The following MAGI1 variants were observed in gnomAD, a reference collection of about 807,000 sequenced individuals.
MAGI1 encodes the protein membrane-associated guanylate kinase, WW and PDZ domain-containing protein 1.
A neutral mutation model predicts 139.9 loss-of-function variants in MAGI1; 58 were observed. The ratio of observed to expected loss-of-function variants is 0.41; its 90% CI spans 0.34 to 0.52. The LOEUF (loss-of-function observed/expected upper bound fraction) is 0.52, where lower values mean the gene tolerates loss of function less well. Ranked by LOEUF, MAGI1 falls within the 20% of genes least tolerant of loss-of-function variation. The pLI, the probability that MAGI1 is intolerant of heterozygous loss-of-function variation, is 0.12. For synonymous variants in MAGI1, 812 were observed against 737.9 expected (o/e 1.10, Z -1.63); for missense variants, 1,874 against 1,901.6 (o/e 0.99, Z 0.27).
intron 2 of MAGI1, among the ~76,000 whole-genome samples, chr3:65,558,112 C>T (rs1259294215): frequency 6.6e-6 from 1 of 152,178 alleles, no homozygotes; most frequent in African/African-American, 2.4e-5. Flanking sequence ...GGCTTTCTCA[C>T]CCTTGAAGGA....
intron 1 of MAGI1, among the ~76,000 whole-genome samples, chr3:65,760,477 C>T (rs544305605): frequency 5.3e-4 from 80 of 151,688 alleles, no homozygotes; most frequent in African/African-American, 1.8e-3. Flanking sequence ...CATCCTAAAA[C>T]TCCTAGGCTC....
intron 1 of MAGI1, among the ~76,000 whole-genome samples, chr3:65,912,430 T>C (rs1055379167): frequency 2.6e-5 from 4 of 152,176 alleles, no homozygotes; most frequent in Admixed American, 2.6e-4. Context: ...CATGGATCAT[T>C]ACGATTCAGG....
chr3:65,969,544 C>G (rs528021200), intron 1 of MAGI1, among the ~76,000 whole-genome samples: 2 of 152,180 alleles, frequency 1.3e-5, no homozygotes, highest in African/African-American at 4.8e-5. Flanking sequence ...TGGGGAAGGA[C>G]GCTGACTGCC....
chr3:65,745,992 A>T (rs921724845), intron 1 of MAGI1, among the ~76,000 whole-genome samples: 1 of 151,776 alleles, frequency 6.6e-6, no homozygotes, highest in Non-Finnish European at 1.5e-5. Flanking sequence ...AGCTTCCCAA[A>T]GTGCTGGGAT....
At chr3:65,876,964 C>T (rs1159753656) in intron 1 of MAGI1, among the ~76,000 whole-genome samples, 1 of 152,042 alleles carries the variant, frequency 6.6e-6, no homozygotes, top group Non-Finnish European at 1.5e-5. Context: ...AGGATGGTCT[C>T]AATCTCCTGA....
chr3:65,820,778 T>C (rs1479671571), intron 1 of MAGI1, among the ~76,000 whole-genome samples: 1 of 152,146 alleles, frequency 6.6e-6, no homozygotes, highest in African/African-American at 2.4e-5. Flanking sequence ...CTCTCTTCAC[T>C]TGGGGCTTTA....
intron 1 of MAGI1, among the ~76,000 whole-genome samples, chr3:65,982,184 T>A (rs2065617179): frequency 6.6e-6 from 1 of 152,232 alleles, no homozygotes; most frequent in African/African-American, 2.4e-5. Context: ...TCGAGTTCCC[T>A]GAGCATCGGC....
chr3:65,862,274 A>G (rs755419288), intron 1 of MAGI1, among the ~76,000 whole-genome samples: 1 of 152,188 alleles, frequency 6.6e-6, no homozygotes, highest in Non-Finnish European at 1.5e-5. Flanking sequence ...CTTCTATAAA[A>G]TGGGGAAAGA....
chr3:65,545,476 C>T (rs1319483014), intron 2 of MAGI1, among the ~76,000 whole-genome samples: 1 of 152,124 alleles, frequency 6.6e-6, no homozygotes, highest in African/African-American at 2.4e-5. Context: ...TACAAGAGGT[C>T]AGAATAGTGG....
chr3:65,740,639 T>A (rs1217140876), intron 1 of MAGI1, among the ~76,000 whole-genome samples: 1 of 152,216 alleles, frequency 6.6e-6, no homozygotes, highest in African/African-American at 2.4e-5. Flanking sequence ...TAATTACTGT[T>A]CATTATTTTG....
intron 2 of MAGI1, among the ~76,000 whole-genome samples, chr3:65,572,262 T>C (rs77356972): frequency 0.13 from 19,181 of 152,098 alleles, 1,443 homozygotes; most frequent in Middle Eastern, 0.18. Flanking sequence ...ATTAAATTAA[T>C]ACTCTAAGAG....
chr3:65,585,423 C>T (rs1030795189), intron 2 of MAGI1, among the ~76,000 whole-genome samples: 1 of 152,160 alleles, frequency 6.6e-6, no homozygotes, highest in African/African-American at 2.4e-5. Context: ...ACATGTTCAA[C>T]ATCCTTAATC....
chr3:65,807,704 A>G (rs997840455), intron 1 of MAGI1, among the ~76,000 whole-genome samples: 1 of 152,188 alleles, frequency 6.6e-6, no homozygotes, highest in African/African-American at 2.4e-5. Context: ...GATACAACAG[A>G]TAATGTCTGG....
At chr3:65,404,783 A>G (rs574779794) in intron 12 of MAGI1, among the ~76,000 whole-genome samples, 1 of 152,356 alleles carries the variant, frequency 6.6e-6, no homozygotes, top group African/African-American at 2.4e-5. Flanking sequence ...CAAAGGAGAT[A>G]GCGAGTATGT....
chr3:65,560,970 T>A (rs2080319200), intron 2 of MAGI1, among the ~76,000 whole-genome samples: 1 of 152,214 alleles, frequency 6.6e-6, no homozygotes. Context: ...TTTCCTTCAG[T>A]AATTCTTAGG....
At chr3:65,963,306 T>C (rs1192397702) in intron 1 of MAGI1, among the ~76,000 whole-genome samples, 2 of 37,498 alleles carry the variant, frequency 5.3e-5, no homozygotes, top group Non-Finnish European at 1.0e-4. Context: ...AGCGAGACTC[T>C]GTCTCTTAAA....
chr3:65,816,348 G>A (rs2041599446), intron 1 of MAGI1, among the ~76,000 whole-genome samples: 1 of 152,052 alleles, frequency 6.6e-6, no homozygotes, highest in Non-Finnish European at 1.5e-5. Context: ...GGTCGCCAAT[G>A]GCAACAATGG....
chr3:66,022,441 C>T (rs2068016292), intron 1 of MAGI1, among the ~76,000 whole-genome samples: 1 of 152,100 alleles, frequency 6.6e-6, no homozygotes, highest in Non-Finnish European at 1.5e-5. Flanking sequence ...CACTTTGTGT[C>T]TTCAAAAGTT....
chr3:65,456,398 G>A lies in MAGI1; in HGVS notation c.960-3058C>T, dbSNP rs563517212. On this transcript the variant is annotated intron_variant, in intron 5 of 22. Coordinates refer to ENST00000402939, the MANE Select transcript of MAGI1 (RefSeq NM_001033057.2). The stretch of plus-strand genomic sequence containing the variant: ...TTTGATATTTTTTTTTTTTCACTCC[G>A]GAGTTTTGAGAGTCCTTTGTATATT... Among the ~76,000 whole-genome samples the A allele has an allele frequency of 5.3e-5, 8 of 150,520 alleles. No individual in the cohort carries two copies. In the East Asian group the frequency reaches 5.8e-4, roughly 11 times the overall value.
Sources: gnomAD v4.1 joint callset for allele counts (sites outside exome capture counted in the v4.1 genomes callset) on GRCh38, gnomAD v4.1.1 for gene constraint, MANE v1.5 for transcripts, NCBI Gene and HGNC (gene_info 2026-07-23, HGNC 2026-07-21) for gene names.